Variants in NEK1 observed in about 807,000 individuals in gnomAD.
The protein encoded by NEK1 is NIMA related kinase 1, also known as serine/threonine-protein kinase Nek1.
NEK1 carries 137 observed loss-of-function variants against 182.1 expected under a neutral mutation model. The observed-to-expected ratio is 0.75, with a 90% CI of 0.65 to 0.87. The LOEUF (loss-of-function observed/expected upper bound fraction) is 0.87, where lower values mean the gene tolerates loss of function less well. Ranked by LOEUF, NEK1 falls within the 40% of genes least tolerant of loss-of-function variation. NEK1 has a pLI of 0.00. For missense variants in NEK1, 1,391 were observed against 1,494.4 expected, an observed-to-expected ratio of 0.93 and a Z score of 1.14; for synonymous variants, 513 against 492.2, an observed-to-expected ratio of 1.04 and a Z score of -0.56.
In NEK1 at chr4:169,612,570, C is replaced by A. The variant is rs1772498270; in HGVS notation, c.-521G>T. On this transcript the variant is annotated 5_prime_UTR_variant, in exon 1 of 36. Transcript: ENST00000507142. ...ACTCCGCAACCTAGGGTCCCAAAAC[C>A]CTGGAGCGAATGCGGACTAAGGGAG... The A allele has an allele frequency of 1.3e-5, 2 of 152,050 alleles. No individual in the cohort carries two copies. Among genetic ancestry groups the A allele is most frequent in the Admixed American group, 6.6e-5 (1 of 15,266 alleles). The allele number at this position is 152,050 out of a possible 1,614,324, so 9.4% of individuals were successfully genotyped here.
At chr4:169,546,765 A>G (rs561648869) in intron 18 of NEK1, among the ~76,000 whole-genome samples, 1 of 152,324 alleles carries the variant, frequency 6.6e-6, no homozygotes, top group East Asian at 1.9e-4. Context: ...TTGTTGGTTT[A>G]AAGTCTGTTT....
Position 169,438,049 on chromosome 4 carries a change from C to G in NEK1, c.2764+34G>C. The G allele has an allele frequency of 2.6e-6, 4 of 1,525,056 alleles. No homozygotes were observed. The South Asian group carries it at 3.9e-5, about 15-fold the overall frequency. The allele number at this position is 1,525,056 out of a possible 1,614,324, so 94.5% of individuals were successfully genotyped here. On this transcript the variant is annotated intron_variant, in intron 28 of 35. Coordinates refer to ENST00000507142, the MANE Select transcript of NEK1 (RefSeq NM_001199397.3). The stretch of plus-strand genomic sequence containing the variant: ...TGTGAAATTTAAGTTTTTACTAAAT[C>G]AAATATAGCTCATTTTGACTCATTA...
At chr4:169,527,827 A>C (rs1465355223) in intron 19 of NEK1, among the ~76,000 whole-genome samples, 1 of 152,184 alleles carries the variant, frequency 6.6e-6, no homozygotes, top group Non-Finnish European at 1.5e-5. Context: ...TAATTACATT[A>C]AACGTCTTTA....
intron 10 of NEK1, among the ~76,000 whole-genome samples, chr4:169,583,091 A>C (rs1014156466): frequency 6.6e-6 from 1 of 152,116 alleles, no homozygotes; most frequent in Non-Finnish European, 1.5e-5. Context: ...ATAATAGTTT[A>C]TATGTTACAC....
chr4:169,601,469 A>G (rs578136320), intron 4 of NEK1, among the ~76,000 whole-genome samples: 1 of 152,184 alleles, frequency 6.6e-6, no homozygotes, highest in South Asian at 2.1e-4. Context: ...CATTATAGCT[A>G]TAATACTTTA....
chr4:169,423,899 G>T (rs1025626749), intron 31 of NEK1, among the ~76,000 whole-genome samples: 2 of 152,092 alleles, frequency 1.3e-5, no homozygotes, highest in Admixed American at 6.5e-5. Context: ...TCACAGTATT[G>T]TAATAATGGC....
chr4:169,549,371 T>C (rs938820976), intron 18 of NEK1, among the ~76,000 whole-genome samples: 3 of 152,216 alleles, frequency 2.0e-5, no homozygotes, highest in African/African-American at 7.2e-5. Context: ...GCCGATCTTG[T>C]TGGGAGCTAC....
intron 18 of NEK1, among the ~76,000 whole-genome samples, chr4:169,552,131 G>A (rs1761514766): frequency 6.6e-6 from 1 of 152,070 alleles, no homozygotes; most frequent in African/African-American, 2.4e-5. Flanking sequence ...CAGTGTGTAT[G>A]TAAATCTAAG....
chr4:169,595,828 C>T (rs1769358745), intron 5 of NEK1, among the ~76,000 whole-genome samples: 1 of 141,770 alleles, frequency 7.1e-6, no homozygotes, highest in Admixed American at 8.0e-5. Flanking sequence ...GAGGCTGAGG[C>T]AGAAGAATGG....
chr4:169,577,104 T>C (rs1339946714), intron 11 of NEK1, 25 bp from the exon 12 acceptor site: 3 of 1,611,724 alleles, frequency 1.9e-6, no homozygotes, highest in East Asian at 2.2e-5. Flanking sequence ...ACAAAGAATT[T>C]TGTCTGCAGT....
chr4:169,470,698 T>C (rs1038548171), intron 26 of NEK1, among the ~76,000 whole-genome samples: 3 of 152,246 alleles, frequency 2.0e-5, no homozygotes, highest in Non-Finnish European at 1.5e-5. Flanking sequence ...TCCTGGATAA[T>C]ACCTTCAAGT....
At chr4:169,504,149 G>T (rs558170848) in intron 23 of NEK1, among the ~76,000 whole-genome samples, 282 of 152,200 alleles carry the variant, frequency 1.9e-3, no homozygotes, top group Non-Finnish European at 3.4e-3. Context: ...GATCATCAGA[G>T]AAATACAAAT....
At chr4:169,452,717 G>C (rs914651603) in intron 27 of NEK1, among the ~76,000 whole-genome samples, 13 of 152,120 alleles carry the variant, frequency 8.5e-5, no homozygotes, top group African/African-American at 3.1e-4. Flanking sequence ...ATACTGAATG[G>C]GCAAAAACTG....
chr4:169,453,554 T>C (rs562160091), intron 27 of NEK1, among the ~76,000 whole-genome samples: 4 of 152,356 alleles, frequency 2.6e-5, no homozygotes, highest in South Asian at 4.1e-4. Flanking sequence ...TTTACTGGAA[T>C]GAGGGCAAGG....
intron 31 of NEK1, among the ~76,000 whole-genome samples, chr4:169,416,826 G>C (rs1404531529): frequency 6.6e-6 from 1 of 152,134 alleles, no homozygotes; most frequent in East Asian, 1.9e-4. Context: ...GATTGCTTGA[G>C]CCCAGGAGGT....
At chr4:169,428,289 A>T (rs757401119) in intron 29 of NEK1, among the ~76,000 whole-genome samples, 1 of 149,180 alleles carries the variant, frequency 6.7e-6, no homozygotes, top group Non-Finnish European at 1.5e-5. Flanking sequence ...GCACTCTTCC[A>T]ATAGCCAGAT....
chr4:169,553,581 A>C (rs894938059), intron 18 of NEK1, among the ~76,000 whole-genome samples: 1 of 152,204 alleles, frequency 6.6e-6, no homozygotes, highest in Non-Finnish European at 1.5e-5. Context: ...TGAGCCACAA[A>C]GAAAAAGAAA....
At chr4:169,572,184 T>TA (rs780624674) in intron 12 of NEK1, among the ~76,000 whole-genome samples, 9 of 152,158 alleles carry the variant, frequency 5.9e-5, no homozygotes, top group Non-Finnish European at 1.3e-4. Flanking sequence ...TGAAAGCAGT[T>TA]AGACTAATCA....
At chr4:169,541,902 G>T (rs114452695) in intron 18 of NEK1, among the ~76,000 whole-genome samples, 2,043 of 152,190 alleles carry the variant, frequency 0.013, 18 homozygotes, top group Non-Finnish European at 0.021. Context: ...CCTCATATCT[G>T]ACCGAAATGT....
Sources: allele counts gnomAD v4.1 joint callset (sites outside exome capture counted in the v4.1 genomes callset), GRCh38; gene constraint gnomAD v4.1.1; transcripts MANE v1.5; gene names NCBI Gene and HGNC (gene_info 2026-07-23, HGNC 2026-07-21).